Variants in STARD13 observed in about 807,000 individuals in gnomAD.
STARD13 encodes stAR-related lipid transfer protein 13.
A neutral mutation model predicts 106.4 loss-of-function variants in STARD13; 62 were observed. The ratio of observed to expected loss-of-function variants is 0.58; its 90% CI spans 0.48 to 0.72. STARD13 has a LOEUF of 0.72. Among genes scored for constraint, STARD13 ranks in the 30% least tolerant of loss-of-function variants. The pLI, the probability that STARD13 is intolerant of heterozygous loss-of-function variation, is 0.00. For synonymous variants in STARD13, 565 were observed against 553.0 expected (o/e 1.02, Z -0.31); for missense variants, 1,387 against 1,424.0 (o/e 0.97, Z 0.42).
At chr13:33,141,413 T>C (rs1879813563) in intron 4 of STARD13, among the ~76,000 whole-genome samples, 2 of 152,242 alleles carry the variant, frequency 1.3e-5, no homozygotes, top group East Asian at 3.8e-4. Context: ...ATCTAGTTCC[T>C]AGAAAACAGT....
chr13:33,367,529 T>G, the STARD13 span, among the ~76,000 whole-genome samples: 2 of 152,082 alleles, frequency 1.3e-5, no homozygotes, highest in African/African-American at 2.4e-5. Flanking sequence ...AATTTTTAGA[T>G]AGTAAAAACA....
Position 33,129,691 on chromosome 13 carries a change from G to A in STARD13, c.986C>T (p.Ser329Leu), listed in dbSNP as rs1174248196. 5 of 1,614,040 alleles carry A rather than the reference G, an allele frequency of 3.1e-6. No individual in the cohort carries two copies. The South Asian group carries it at 4.4e-5, about 14-fold the overall frequency. The stretch of plus-strand genomic sequence containing the variant: ...CTCCGACGGGCTGCTCTCGCCACTC[G>A]ACTTGCCAGAGCATGGGAGCCCTTT... ...CRKGLPCSGK[S>L]SGESSPSEHS... The change falls in exon 5 of 14, where the codon TCG becomes TTG. Residue 329 changes from serine to leucine, a missense_variant. Coordinates refer to ENST00000336934, the MANE Select transcript of STARD13 (RefSeq NM_178006.4).
At chr13:33,350,036 C>A (rs1202741949) in intron 1 of STARD13, among the ~76,000 whole-genome samples, 2 of 152,166 alleles carry the variant, frequency 1.3e-5, no homozygotes, top group African/African-American at 4.8e-5. Context: ...TCCCGCGGCC[C>A]GCCAGCATGG....
At chr13:33,540,016 T>C in the STARD13 span, among the ~76,000 whole-genome samples, 387 of 152,342 alleles carry the variant, frequency 2.5e-3, 5 homozygotes, top group African/African-American at 8.9e-3. Flanking sequence ...TTTGAACATA[T>C]ACCCACTTAA....
At chr13:33,477,300 G>A in the STARD13 span, among the ~76,000 whole-genome samples, 1 of 152,132 alleles carries the variant, frequency 6.6e-6, no homozygotes, top group Non-Finnish European at 1.5e-5. Context: ...TCTCCATCCT[G>A]TCTGGCCTAA....
Position 33,130,205 on chromosome 13 carries a change from C to T in STARD13, c.472G>A (p.Asp158Asn), listed in dbSNP as rs147624272. The T allele has an allele frequency of 4.3e-6, 7 of 1,612,654 alleles. No homozygotes were observed. The highest frequency in any genetic ancestry group is 3.3e-5 in the South Asian group (3 of 91,080). The stretch of plus-strand genomic sequence containing the variant: ...CCTCGAGGGAGCAGCGTGTAGAGGT[C>T]GTCCACACGAGACCACCTGCGACTG... ...RTSRRWSRVD[D>N]LYTLLPRGDR... The change falls in exon 5 of 14, where the codon GAC (aspartate) becomes AAC (asparagine). Residue 158 changes from aspartate to asparagine, a missense_variant. By Grantham distance (23) the Asp-to-Asn change is conservative. Transcript: ENST00000336934. This position sits in a 1 kb window ranked among gnomAD's most constrained non-coding sequence, Gnocchi z 4.1.
chr13:33,542,252 T>G, the STARD13 span, among the ~76,000 whole-genome samples: 26 of 152,278 alleles, frequency 1.7e-4, no homozygotes, highest in African/African-American at 5.5e-4. Flanking sequence ...GCCGGTTCAC[T>G]AAGATTTAGA....
chr13:33,569,108 G>T, the STARD13 span, among the ~76,000 whole-genome samples: 1 of 148,090 alleles, frequency 6.8e-6, no homozygotes, highest in Admixed American at 7.0e-5. Flanking sequence ...AAATTTAAGT[G>T]TTGAAGTGGG....
downstream of STARD13, among the ~76,000 whole-genome samples, chr13:33,346,168 A>G (rs375052195): frequency 6.6e-6 from 1 of 152,220 alleles, no homozygotes. Flanking sequence ...AGCCAGAGAG[A>G]AACCAAGGCC....
the STARD13 span, among the ~76,000 whole-genome samples, chr13:33,572,835 G>A: frequency 1.3e-5 from 2 of 152,130 alleles, no homozygotes; most frequent in South Asian, 4.1e-4. Context: ...ATAACCTGGA[G>A]ATGTTTTAAA....
At chr13:33,253,286 G>A (rs562166247) in intron 1 of STARD13, among the ~76,000 whole-genome samples, 1 of 152,296 alleles carries the variant, frequency 6.6e-6, no homozygotes, top group East Asian at 1.9e-4. Context: ...TTTGTGATGT[G>A]ATGTTCACTA....
chr13:33,551,595 T>C, the STARD13 span, among the ~76,000 whole-genome samples: 4 of 76,262 alleles, frequency 5.2e-5, no homozygotes, highest in African/African-American at 1.5e-4. Flanking sequence ...TTTTTTTTTT[T>C]TTTTTTTTTT....
At chr13:33,305,492 T>C (rs894615362) in intron 1 of STARD13, among the ~76,000 whole-genome samples, 1 of 152,252 alleles carries the variant, frequency 6.6e-6, no homozygotes, top group Non-Finnish European at 1.5e-5. Context: ...GTACCTACTA[T>C]GTGCTATGAA....
At chr13:33,510,106 G>A in the STARD13 span, among the ~76,000 whole-genome samples, 1 of 152,198 alleles carries the variant, frequency 6.6e-6, no homozygotes, top group African/African-American at 2.4e-5. Context: ...TTTTATTGCA[G>A]TGATGGCATT....
At chr13:33,242,211 G>C (rs1889557811) in intron 1 of STARD13, among the ~76,000 whole-genome samples, 1 of 152,156 alleles carries the variant, frequency 6.6e-6, no homozygotes, top group South Asian at 2.1e-4. Context: ...CGGGAGGTGG[G>C]GGGCAGCCCC....
intron 3 of STARD13, among the ~76,000 whole-genome samples, chr13:33,152,503 G>C (rs568756038): frequency 7.2e-5 from 11 of 152,050 alleles, no homozygotes; most frequent in Non-Finnish European, 1.5e-4. Flanking sequence ...ACTGGCCTTA[G>C]GAAACCAAAC....
chr13:33,152,835 G>A (rs1201909586), intron 3 of STARD13, among the ~76,000 whole-genome samples: 2 of 152,124 alleles, frequency 1.3e-5, no homozygotes, highest in South Asian at 2.1e-4. Context: ...CTGGTCCCGC[G>A]TTAATTCCCG....
the STARD13 span, among the ~76,000 whole-genome samples, chr13:33,450,323 T>C: frequency 6.6e-6 from 1 of 152,322 alleles, no homozygotes; most frequent in East Asian, 1.9e-4. Flanking sequence ...AATACTTCTA[T>C]TGAGATAGTA....
chr13:33,421,449 A>G, the STARD13 span, among the ~76,000 whole-genome samples: 1 of 152,230 alleles, frequency 6.6e-6, no homozygotes, highest in Non-Finnish European at 1.5e-5. Context: ...TTTAGGCAAT[A>G]ATTAATAGCC....
Sources: allele counts gnomAD v4.1 joint callset (sites outside exome capture counted in the v4.1 genomes callset), GRCh38; gene constraint gnomAD v4.1.1; non-coding constraint Gnocchi (gnomAD v3.1); transcripts MANE v1.5; gene names NCBI Gene and HGNC (gene_info 2026-07-23, HGNC 2026-07-21).